The following NAALADL2 variants were observed in gnomAD, a reference collection of about 807,000 sequenced individuals.
NAALADL2 encodes inactive N-acetylated-alpha-linked acidic dipeptidase-like protein 2.
NAALADL2 carries 76 observed loss-of-function variants against 87.2 expected under a neutral mutation model. The ratio of observed to expected loss-of-function variants is 0.87; its 90% confidence interval spans 0.72 to 1.05. The LOEUF is 1.05. Among genes scored for constraint, NAALADL2 ranks in the 50% least tolerant of loss-of-function variants. The probability of loss-of-function intolerance (pLI) is 0.00; values close to 1 mark genes in which losing one functional copy is unlikely to be tolerated. For synonymous variants in NAALADL2, 354 were observed against 331.0 expected (o/e 1.07, Z -0.75); for missense variants, 1,089 against 945.8 (o/e 1.15, Z -1.99).
chr3:174,603,561 A>G (rs1038075652), intron 2 of NAALADL2, among the ~76,000 whole-genome samples: 2 of 151,262 alleles, frequency 1.3e-5, no homozygotes, highest in African/African-American at 4.9e-5. Context: ...CCAACTTTTA[A>G]TTTCATTTAT....
chr3:175,693,468 C>T (rs1481745505), intron 11 of NAALADL2, among the ~76,000 whole-genome samples: 4 of 152,076 alleles, frequency 2.6e-5, no homozygotes, highest in African/African-American at 9.7e-5. Flanking sequence ...TGACCAGGAC[C>T]CAAGGACAAA....
chr3:174,980,413 T>A (rs1006840856), intron 1 of NAALADL2, among the ~76,000 whole-genome samples: 2 of 152,118 alleles, frequency 1.3e-5, no homozygotes, highest in Non-Finnish European at 2.9e-5. Context: ...GCCAGGAAGA[T>A]CACTTGAACC....
At chr3:175,198,937 T>C (rs867636793) in intron 2 of NAALADL2, among the ~76,000 whole-genome samples, 2 of 152,100 alleles carry the variant, frequency 1.3e-5, no homozygotes, top group Non-Finnish European at 2.9e-5. Flanking sequence ...AGGACCTATT[T>C]GCTGTTTTCA....
At chr3:175,483,574 A>T (rs1325757431) in intron 9 of NAALADL2, among the ~76,000 whole-genome samples, 1 of 151,910 alleles carries the variant, frequency 6.6e-6, no homozygotes, top group Non-Finnish European at 1.5e-5. Context: ...GAACTTCAAT[A>T]ATGTTTGGTT....
chr3:175,218,275 A>G lies in NAALADL2; in HGVS notation c.546-15656A>G, dbSNP rs531982734. On this transcript the variant is annotated intron_variant, in intron 2 of 13. Coordinates refer to ENST00000454872, the MANE Select transcript of NAALADL2 (RefSeq NM_207015.3). The stretch of plus-strand genomic sequence containing the variant: ...AACCAATGGGTTATATACAAAAGAA[A>G]TATGCAAAATGCATATCAGAGTGTC... Among the ~76,000 whole-genome samples, 5 of 152,342 alleles carry G rather than the reference A, an allele frequency of 3.3e-5. No individual in the cohort carries two copies. In the East Asian group the frequency reaches 5.8e-4, roughly 18 times the overall value.
chr3:175,093,823 T>C (rs1328598881), intron 1 of NAALADL2, among the ~76,000 whole-genome samples: 3 of 151,896 alleles, frequency 2.0e-5, no homozygotes, highest in African/African-American at 7.2e-5. Flanking sequence ...AGTAAGGGTG[T>C]CAGGCAGATA....
At chr3:175,434,803 G>C (rs542370039) in intron 5 of NAALADL2, among the ~76,000 whole-genome samples, 1 of 151,908 alleles carries the variant, frequency 6.6e-6, no homozygotes, top group Admixed American at 6.6e-5. Context: ...AGTTTACTTA[G>C]CTTATATTAC....
intron 3 of NAALADL2, among the ~76,000 whole-genome samples, chr3:174,743,255 CT>C (rs1485021761): frequency 6.6e-6 from 1 of 151,666 alleles, no homozygotes; most frequent in Non-Finnish European, 1.5e-5. Context: ...TCAACCGGGT[CT>C]TTTGTTTCTC....
chr3:174,856,645 C>T (rs1725891587), upstream of NAALADL2, among the ~76,000 whole-genome samples: 1 of 152,090 alleles, frequency 6.6e-6, no homozygotes, highest in Non-Finnish European at 1.5e-5. Context: ...AGTTATGAGG[C>T]TGGCAATTCA....
intron 2 of NAALADL2, among the ~76,000 whole-genome samples, chr3:174,554,061 A>G (rs994454715): frequency 2.0e-5 from 3 of 152,074 alleles, no homozygotes; most frequent in Admixed American, 2.0e-4. Context: ...AAATTATACA[A>G]TCGGATGTGA....
chr3:175,332,149 C>T (rs1761480215), intron 5 of NAALADL2, among the ~76,000 whole-genome samples: 2 of 152,136 alleles, frequency 1.3e-5, no homozygotes, highest in Admixed American at 6.5e-5. Flanking sequence ...AATGACCAAA[C>T]TGCCTAAATG....
In NAALADL2 at chr3:175,033,825, T is replaced by C. The variant is rs1753078526; in HGVS notation, c.44-62965T>C. ...ATGTGAAGCGCCATCTTGAATTTCA[T>C]ATCTGAATTTATAGTCTAAGAAGTT... On this transcript the variant is annotated intron_variant, in intron 1 of 13. Transcript: ENST00000454872. 2.0e-5 allele frequency among the ~76,000 whole-genome samples: 3 copies of C among 152,168 alleles called. No homozygotes were observed. In the South Asian group the frequency reaches 6.2e-4, roughly 31 times the overall value.
intron 10 of NAALADL2, among the ~76,000 whole-genome samples, chr3:175,600,604 C>T (rs1254853524): frequency 7.9e-6 from 1 of 126,970 alleles, no homozygotes; most frequent in African/African-American, 3.0e-5. Flanking sequence ...GTGGCGCGAT[C>T]TCGGCTCACT....
intron 2 of NAALADL2, among the ~76,000 whole-genome samples, chr3:174,552,299 T>A (rs1004725793): frequency 1.3e-5 from 2 of 152,194 alleles, no homozygotes; most frequent in African/African-American, 4.8e-5. Flanking sequence ...TTAATTGACA[T>A]GACTAGTAAA....
chr3:174,542,437 T>G, intron 1 of NAALADL2, among the ~76,000 whole-genome samples: 1 of 152,178 alleles, frequency 6.6e-6, no homozygotes, highest in East Asian at 1.9e-4. Context: ...AAGATGTCTT[T>G]ATTTCCTGGG....
chr3:175,730,228 A>G (rs1431969624), intron 11 of NAALADL2, among the ~76,000 whole-genome samples: 1 of 151,632 alleles, frequency 6.6e-6, no homozygotes, highest in Non-Finnish European at 1.5e-5. Flanking sequence ...TTGACAGTTT[A>G]GTAAATAATC....
chr3:175,003,722 G>A (rs1285717260), intron 1 of NAALADL2, among the ~76,000 whole-genome samples: 3 of 152,164 alleles, frequency 2.0e-5, no homozygotes, highest in African/African-American at 4.8e-5. Flanking sequence ...TTCATTCACC[G>A]ATCAGTAGTG....
intron 11 of NAALADL2, among the ~76,000 whole-genome samples, chr3:175,683,259 G>A (rs1036925662): frequency 1.1e-4 from 16 of 151,828 alleles, no homozygotes; most frequent in African/African-American, 4.8e-5. Flanking sequence ...TTCCCATTTT[G>A]TGTTAGATTG....
chr3:174,881,805 C>A (rs190690830), intron 1 of NAALADL2, among the ~76,000 whole-genome samples: 4 of 151,884 alleles, frequency 2.6e-5, no homozygotes, highest in Non-Finnish European at 5.9e-5. Context: ...AAATCTGGGT[C>A]GGATAAGTAT....
Sources: allele counts gnomAD v4.1 joint callset (sites outside exome capture counted in the v4.1 genomes callset), GRCh38; gene constraint gnomAD v4.1.1; transcripts MANE v1.5; gene names NCBI Gene and HGNC (gene_info 2026-07-23, HGNC 2026-07-21).